The following CDS2 variants were observed in gnomAD, a reference collection of about 807,000 sequenced individuals.
CDS2 encodes phosphatidate cytidylyltransferase 2.
In CDS2, 47 loss-of-function variants were observed where a neutral mutation model predicts 59.0. The observed-to-expected ratio is 0.80, with a 90% CI of 0.63 to 1.02. The LOEUF (loss-of-function observed/expected upper bound fraction) is 1.02, where lower values mean the gene tolerates loss of function less well. Ranked by LOEUF, CDS2 falls within the 50% of genes least tolerant of loss-of-function variation. The pLI, the probability that CDS2 is intolerant of heterozygous loss-of-function variation, is 0.00. For synonymous variants in CDS2, 207 were observed against 206.4 expected, an observed-to-expected ratio of 1.00 and a Z score of -0.02; for missense variants, 356 against 558.9, an observed-to-expected ratio of 0.64 and a Z score of 3.66.
chr20:5,133,084 G>A (rs1284662653), intron 1 of CDS2, among the ~76,000 whole-genome samples: 1 of 151,924 alleles, frequency 6.6e-6, no homozygotes, highest in Non-Finnish European at 1.5e-5. Context: ...GGAGAATGGC[G>A]TGATGGCGTG....
chr20:5,155,462 TAC>T (rs2090825850), intron 1 of CDS2, among the ~76,000 whole-genome samples: 1 of 151,892 alleles, frequency 6.6e-6, no homozygotes, highest in Non-Finnish European at 1.5e-5. Context: ...GGTGCCCTCT[TAC>T]TGTAAATATA....
At chr20:5,169,358 G>A (rs1434408278) in intron 1 of CDS2, among the ~76,000 whole-genome samples, 2 of 152,224 alleles carry the variant, frequency 1.3e-5, no homozygotes, top group African/African-American at 4.8e-5. Flanking sequence ...GTGGATGCTG[G>A]TCTGGTCCTG....
chr20:5,152,072 T>C (rs923804973), intron 1 of CDS2, among the ~76,000 whole-genome samples: 5 of 122,188 alleles, frequency 4.1e-5, no homozygotes, highest in Admixed American at 3.1e-4. Flanking sequence ...TCTGACTCCA[T>C]GGCTTTTTAA....
intron 3 of CDS2, 58 bp downstream of exon 3, chr20:5,175,337 T>A: frequency 1.5e-6 from 2 of 1,335,636 alleles, no homozygotes; most frequent in East Asian, 2.3e-5. Flanking sequence ...CAGGCCCGGT[T>A]GTCTTAAGTG....
intron 1 of CDS2, among the ~76,000 whole-genome samples, chr20:5,151,394 A>G (rs971195737): frequency 1.3e-5 from 2 of 152,204 alleles, no homozygotes; most frequent in African/African-American, 4.8e-5. Context: ...ATAAAAATTA[A>G]TGTTTACTAA....
rs2091109673 is a variant in CDS2, at chr20:5,190,932, A to G, written c.*698A>G. On this transcript the variant is annotated 3_prime_UTR_variant, in exon 13 of 13. Transcript: ENST00000460006. ...AAACACACTGTAATATTTCAAGTGTATGCAGTAGAATGTACTGTAACTGAG... is the reference window on the plus strand; with the variant it reads ...AAACACACTGTAATATTTCAAGTGTGTGCAGTAGAATGTACTGTAACTGAG... 1 of 152,694 alleles carries G rather than the reference A, an allele frequency of 6.5e-6. No individual in the cohort carries two copies. The highest frequency in any genetic ancestry group is 2.4e-5 in the African/African-American group (1 of 41,462). 9.5% of individuals were successfully genotyped at this position (152,694 alleles called of 1,614,324 possible).
intron 1 of CDS2, among the ~76,000 whole-genome samples, chr20:5,135,966 G>T (rs1355475732): frequency 6.6e-6 from 1 of 152,102 alleles, no homozygotes; most frequent in Admixed American, 6.6e-5. Context: ...GTTGTCTTTG[G>T]CAGAAGCTCC....
At chr20:5,158,987 A>C (rs543539060) in intron 1 of CDS2, among the ~76,000 whole-genome samples, 110 of 152,186 alleles carry the variant, frequency 7.2e-4, no homozygotes, top group African/African-American at 2.5e-3. Context: ...TGTTAGGAAA[A>C]CCTTGCTTTA....
At chr20:5,175,544 T>C in intron 3 of CDS2, 1 of 322,036 alleles carries the variant, frequency 3.1e-6, no homozygotes, top group South Asian at 2.9e-5. Context: ...TCCCAGCACT[T>C]TGTGAGGCTG....
intron 1 of CDS2, among the ~76,000 whole-genome samples, chr20:5,167,746 A>G (rs1031026087): frequency 9.2e-5 from 14 of 152,196 alleles, no homozygotes; most frequent in Non-Finnish European, 1.8e-4. Flanking sequence ...GGCTTGATCT[A>G]GAAGATGGAG....
chr20:5,135,114 T>G (rs947011797), intron 1 of CDS2, among the ~76,000 whole-genome samples: 1 of 152,112 alleles, frequency 6.6e-6, no homozygotes, highest in Non-Finnish European at 1.5e-5. Flanking sequence ...TACATACTTA[T>G]TTTATAATAG....
Position 5,129,315 on chromosome 20 carries a change from C to T in CDS2, c.57+2166C>T, listed in dbSNP as rs569222805. Reference sequence around the variant, plus strand: ...TTTTTTAGACGGAGTCTCTCTCTGTCGCCCAGGCTGGAGTGCAGTGGCACG... The same window carrying T: ...TTTTTTAGACGGAGTCTCTCTCTGTTGCCCAGGCTGGAGTGCAGTGGCACG... On this transcript the variant is annotated intron_variant, in intron 1 of 12. Coordinates refer to ENST00000460006, the MANE Select transcript of CDS2 (RefSeq NM_003818.4). Among the ~76,000 whole-genome samples, 5 of 152,238 alleles carry T rather than the reference C, an allele frequency of 3.3e-5. No homozygotes were observed. In the East Asian group the frequency reaches 5.8e-4, roughly 18 times the overall value.
rs900898281 is a variant in CDS2, at chr20:5,184,710, AT to A, written c.672-142del. On this transcript the variant is annotated intron_variant, in intron 7 of 12. Coordinates refer to ENST00000460006, the MANE Select transcript of CDS2 (RefSeq NM_003818.4). The surrounding 1 kb of genome is among the most constrained non-coding windows in gnomAD (Gnocchi z 4.3). Reference sequence around the variant, plus strand: ...AGGTACTAGGTATGACTTTTTTGGTATTTTTTATGTTTTTAACTTACTCCTT... The same window carrying A: ...AGGTACTAGGTATGACTTTTTTGGTATTTTTATGTTTTTAACTTACTCCTT... 5 of 678,378 alleles carry A rather than the reference AT, an allele frequency of 7.4e-6. No individual in the cohort carries two copies. Among genetic ancestry groups the A allele is most frequent in the African/African-American group, 1.8e-5 (1 of 55,774 alleles). 42.0% of individuals were successfully genotyped at this position (678,378 alleles called of 1,614,324 possible). A position where few individuals can be genotyped will look rare whatever the true frequency, so the allele number is the denominator to read the frequency against.
chr20:5,168,768 C>G (rs2090933001), intron 1 of CDS2: 1 of 402,268 alleles, frequency 2.5e-6, no homozygotes, highest in Non-Finnish European at 5.0e-6. Flanking sequence ...CTGGACTGAG[C>G]TAGGTCCCTC....
intron 1 of CDS2, among the ~76,000 whole-genome samples, chr20:5,159,307 C>T (rs1952001628): frequency 1.9e-5 from 2 of 107,292 alleles, no homozygotes; most frequent in African/African-American, 8.2e-5. Flanking sequence ...GGTATTTCTC[C>T]TAATGCTTTC....
chr20:5,148,423 A>G (rs1193933326), intron 1 of CDS2, among the ~76,000 whole-genome samples: 1 of 152,204 alleles, frequency 6.6e-6, no homozygotes, highest in East Asian at 1.9e-4. Context: ...GTGCAACAAT[A>G]TGAAAGGATA....
Position 5,190,095 on chromosome 20 carries a change from G to C in CDS2, c.1206-7G>C. On this transcript the variant is annotated splice_polypyrimidine_tract_variant and splice_region_variant and intron_variant, in intron 12 of 12. Transcript: ENST00000460006. ...GCTCAGTGCTGTTTCTTCACATTCT[G>C]TTCCAGAGGCCCTAACCCAAGCAAA... is the stretch of plus-strand genomic sequence containing the variant. 6.2e-7 allele frequency: 1 copy of C among 1,613,774 alleles called. No individual in the cohort carries two copies. Among genetic ancestry groups the C allele is most frequent in the South Asian group, 1.1e-5 (1 of 91,070 alleles).
At chr20:5,176,456 C>T (rs765527430) in intron 3 of CDS2, 192 bp from the exon 4 acceptor site, 94 of 557,558 alleles carry the variant, frequency 1.7e-4, no homozygotes, top group Admixed American at 3.6e-4. Flanking sequence ...ATTGGATCTA[C>T]TCCCTGTGAC....
rs1234628057 is a variant in CDS2, at chr20:5,168,411, T to TCC, written c.58-5107_58-5106dup. Among the ~76,000 whole-genome samples the TCC allele has an allele frequency of 2.7e-4, 22 of 80,082 alleles. 2 individuals carry two copies. The highest frequency in any genetic ancestry group is 8.5e-4 in the South Asian group (2 of 2,340). The allele number at this position is 80,082 out of a possible 152,430, so 52.5% of individuals were successfully genotyped here. ...GCCTGGATGACAGAGCAAGACTCTG[T>TCC]CCCCCCAAAAAAAAAAAAAAAAGAA... On this transcript the variant is annotated intron_variant, in intron 1 of 12. Transcript: ENST00000460006.
Sources: gnomAD v4.1 joint callset for allele counts (sites outside exome capture counted in the v4.1 genomes callset) on GRCh38, gnomAD v4.1.1 for gene constraint, Gnocchi (gnomAD v3.1) non-coding constraint, MANE v1.5 for transcripts, NCBI Gene and HGNC (gene_info 2026-07-23, HGNC 2026-07-21) for gene names.